The following CEP135 variants were observed in gnomAD, a reference collection of about 807,000 sequenced individuals.
The protein encoded by CEP135 is centrosomal protein 135, also known as centrosomal protein of 135 kDa.
CEP135 carries 142 observed loss-of-function variants against 157.3 expected under a neutral mutation model. The observed-to-expected ratio is 0.90, with a 90% CI of 0.79 to 1.04. The LOEUF (loss-of-function observed/expected upper bound fraction) is 1.04, where lower values mean the gene tolerates loss of function less well. CEP135 is among the 50% of genes least tolerant of loss of function. CEP135 has a pLI of 0.00. For synonymous variants in CEP135, 396 were observed against 439.8 expected (o/e 0.90, Z 1.25); for missense variants, 1,317 against 1,309.2 (o/e 1.01, Z -0.09).
chr4:55,951,208 G>C (rs772320763), intron 1 of CEP135, among the ~76,000 whole-genome samples: 18 of 152,128 alleles, frequency 1.2e-4, no homozygotes, highest in Non-Finnish European at 2.5e-4. Flanking sequence ...GTAAAGCTGT[G>C]AACATTCTTG....
At chr4:56,000,618 C>T (rs1013520747) in intron 17 of CEP135, among the ~76,000 whole-genome samples, 5 of 152,204 alleles carry the variant, frequency 3.3e-5, no homozygotes, top group African/African-American at 7.2e-5. Context: ...ACATGTTTCA[C>T]TTAACATCAT....
intron 8 of CEP135, 35 bp from the exon 9 acceptor site, chr4:55,969,028 T>C: frequency 2.6e-6 from 4 of 1,510,278 alleles, no homozygotes; most frequent in Non-Finnish European, 1.8e-6. Context: ...TTCTTAGACT[T>C]TTAAGTATAT....
chr4:55,975,983 G>T (rs955072417), intron 11 of CEP135, among the ~76,000 whole-genome samples: 1 of 152,136 alleles, frequency 6.6e-6, no homozygotes, highest in Non-Finnish European at 1.5e-5. Flanking sequence ...GCCAGGTGGT[G>T]TGGCTCCTGT....
chr4:56,025,712 G>GGT (rs1048728076), intron 25 of CEP135, among the ~76,000 whole-genome samples: 2 of 152,076 alleles, frequency 1.3e-5, no homozygotes, highest in Non-Finnish European at 2.9e-5. Flanking sequence ...AGGAACTAGA[G>GGT]GTAGAGAGAC....
At chr4:56,012,660 T>G (rs1194950114) in intron 21 of CEP135, among the ~76,000 whole-genome samples, 1 of 152,230 alleles carries the variant, frequency 6.6e-6, no homozygotes, top group African/African-American at 2.4e-5. Context: ...CTGATTTCAC[T>G]TAGCCTTAAG....
chr4:55,955,517 T>A (rs1434519028), intron 4 of CEP135, among the ~76,000 whole-genome samples: 1 of 151,974 alleles, frequency 6.6e-6, no homozygotes, highest in Non-Finnish European at 1.5e-5. Flanking sequence ...TAGATGGACA[T>A]GGGGACTGTG....
At chr4:56,021,817 C>T (rs962518326) in intron 24 of CEP135, among the ~76,000 whole-genome samples, 3 of 152,090 alleles carry the variant, frequency 2.0e-5, no homozygotes, top group Admixed American at 6.6e-5. Context: ...CTTGAGCCCA[C>T]GAGTTTGAAA....
At chr4:56,016,259 T>C (rs1337664055) in intron 21 of CEP135, among the ~76,000 whole-genome samples, 2 of 152,184 alleles carry the variant, frequency 1.3e-5, no homozygotes, top group Non-Finnish European at 2.9e-5. Flanking sequence ...ACCCACATTT[T>C]GGACTTCCAG....
intron 17 of CEP135, among the ~76,000 whole-genome samples, chr4:56,005,084 T>G (rs1577902058): frequency 6.6e-6 from 1 of 152,274 alleles, no homozygotes; most frequent in Middle Eastern, 3.4e-3. Flanking sequence ...CCATGAAGCT[T>G]ACAAAACGTA....
In CEP135 at chr4:55,957,331, A is replaced by T. The variant is rs1420990855; in HGVS notation, c.581A>T (p.Tyr194Phe). The T allele has an allele frequency of 6.2e-7, 1 of 1,614,020 alleles. No homozygotes were observed. The highest frequency in any genetic ancestry group is 1.3e-5 in the African/African-American group (1 of 75,052). ...CCAGTTCCTCAACCAGATGACCCTT[A>T]CATTGCAGACCTCCTTCAAGTGGCT... Reference protein sequence around the residue: ...SYPVPQPDDPYIADLLQVADN... With the variant: ...SYPVPQPDDPFIADLLQVADN... Residue 194 changes from tyrosine (Y) to phenylalanine (F), a missense_variant, in exon 5 of 26, where the codon TAC becomes TTC. Transcript: ENST00000257287.
chr4:55,982,103 G>A (rs1018832414), intron 13 of CEP135, among the ~76,000 whole-genome samples: 66 of 152,020 alleles, frequency 4.3e-4, no homozygotes, highest in African/African-American at 1.4e-3. Context: ...GCACATTAGC[G>A]TCACTCCCCA....
intron 4 of CEP135, among the ~76,000 whole-genome samples, chr4:55,955,641 G>A (rs758860672): frequency 6.6e-6 from 1 of 152,164 alleles, no homozygotes; most frequent in African/African-American, 2.4e-5. Flanking sequence ...GATAGACTCC[G>A]GAGAGATTCA....
At chr4:55,987,338 G>A (rs1278071944) in intron 14 of CEP135, among the ~76,000 whole-genome samples, 1 of 152,062 alleles carries the variant, frequency 6.6e-6, no homozygotes, top group Non-Finnish European at 1.5e-5. Context: ...AACTTAAAGG[G>A]TACCCTTTAT....
chr4:55,994,187 T>C (rs1178426797), intron 15 of CEP135, among the ~76,000 whole-genome samples: 1 of 152,206 alleles, frequency 6.6e-6, no homozygotes, highest in Non-Finnish European at 1.5e-5. Context: ...GTATGATTAA[T>C]AGAGCTCTTG....
At chr4:55,952,590 G>A (rs1728391067) in intron 2 of CEP135, 1 of 184,908 alleles carries the variant, frequency 5.4e-6, no homozygotes, top group Admixed American at 5.7e-5. Context: ...TTCAAATACA[G>A]TCATGGATAG....
chr4:55,949,214 G>A (rs559241330), intron 1 of CEP135, among the ~76,000 whole-genome samples, 155 bp downstream of exon 1: 4 of 152,278 alleles, frequency 2.6e-5, no homozygotes, highest in South Asian at 4.1e-4. Context: ...GGCGGGGAGG[G>A]GCGCGGGGAC....
chr4:55,955,140 G>T (rs1728467598), intron 4 of CEP135, among the ~76,000 whole-genome samples: 1 of 152,120 alleles, frequency 6.6e-6, no homozygotes, highest in Non-Finnish European at 1.5e-5. Context: ...AGCAGGTATG[G>T]GTTGGTGGTA....
At chr4:55,994,161 C>T (rs1190039411) in intron 15 of CEP135, among the ~76,000 whole-genome samples, 1 of 152,158 alleles carries the variant, frequency 6.6e-6, no homozygotes, top group African/African-American at 2.4e-5. Context: ...ATTATCTAAA[C>T]CTTTTGCCAC....
At chr4:55,990,703 G>A (rs10033819) in intron 14 of CEP135, among the ~76,000 whole-genome samples, 71,962 of 151,784 alleles carry the variant, frequency 0.47, 17,602 homozygotes, top group African/African-American at 0.59. Context: ...GGGTCTCACT[G>A]TGTTTCCCAG....
Sources: gnomAD v4.1 joint callset for allele counts (sites outside exome capture counted in the v4.1 genomes callset) on GRCh38, gnomAD v4.1.1 for gene constraint, MANE v1.5 for transcripts, NCBI Gene and HGNC (gene_info 2026-07-23, HGNC 2026-07-21) for gene names.